PCDH15: variants seen among roughly 807,000 people sequenced by gnomAD.
PCDH15 encodes protocadherin-15.
In PCDH15, 129 loss-of-function variants were observed where a neutral mutation model predicts 178.5. The ratio of observed to expected loss-of-function variants is 0.72; its 90% CI spans 0.63 to 0.84. The LOEUF (loss-of-function observed/expected upper bound fraction) is 0.84. Among genes scored for constraint, PCDH15 ranks in the 40% least tolerant of loss-of-function variants. The pLI is 0.00. For synonymous variants in PCDH15, 800 were observed against 732.0 expected (o/e 1.09, Z -1.50); for missense variants, 2,230 against 2,099.9 (o/e 1.06, Z -1.21).
intron 3 of PCDH15, among the ~76,000 whole-genome samples, chr10:54,503,903 C>A (rs1379801124): frequency 6.6e-6 from 1 of 152,066 alleles, no homozygotes; most frequent in African/African-American, 2.4e-5. Context: ...AGGATCCCAA[C>A]AACTTGTTCC....
At chr10:54,443,067 A>G (rs2075929688) in intron 3 of PCDH15, among the ~76,000 whole-genome samples, 1 of 151,662 alleles carries the variant, frequency 6.6e-6, no homozygotes, top group Non-Finnish European at 1.5e-5. Flanking sequence ...GAAGAGGTTT[A>G]GAGTGTTTTT....
At chr10:55,196,084 TTGTACAGTTTGTATC>T (rs1840086601) in intron 1 of PCDH15, among the ~76,000 whole-genome samples, 1 of 152,166 alleles carries the variant, frequency 6.6e-6, no homozygotes, top group African/African-American at 2.4e-5. Context: ...CTTAATGACT[TTGTACAGTTTGTATC>T]TCATTCTGAA....
chr10:54,341,281 G>A (rs1448279018), intron 6 of PCDH15, among the ~76,000 whole-genome samples: 3 of 152,098 alleles, frequency 2.0e-5, no homozygotes, highest in African/African-American at 7.2e-5. Context: ...GTGGTGACTG[G>A]TTTATGGGGG....
intron 2 of PCDH15, among the ~76,000 whole-genome samples, chr10:55,116,782 C>A (rs890773315): frequency 1.3e-5 from 2 of 152,130 alleles, no homozygotes; most frequent in South Asian, 4.1e-4. Flanking sequence ...CTTCTCCATC[C>A]CTTGTCCTCT....
intron 2 of PCDH15, among the ~76,000 whole-genome samples, chr10:54,921,579 T>C (rs187131744): frequency 6.6e-6 from 1 of 152,256 alleles, no homozygotes; most frequent in African/African-American, 2.4e-5. Context: ...TGAGAACATA[T>C]AGTATTTGTT....
chr10:55,130,680 CGTGTGTGTGT>C (rs72055158), intron 2 of PCDH15, among the ~76,000 whole-genome samples: 13,916 of 145,898 alleles, frequency 0.095, 737 homozygotes, highest in Admixed American at 0.15. Context: ...CACACATACA[CGTGTGTGTGT>C]GTGTGTGTGT....
chr10:54,094,322 T>C (rs945305037), intron 15 of PCDH15, among the ~76,000 whole-genome samples: 1 of 152,210 alleles, frequency 6.6e-6, no homozygotes, highest in African/African-American at 2.4e-5. Context: ...TTTATACGCG[T>C]TGCTCAACTA....
At chr10:54,395,671 C>A (rs920184900) in intron 3 of PCDH15, among the ~76,000 whole-genome samples, 1 of 152,088 alleles carries the variant, frequency 6.6e-6, no homozygotes, top group Non-Finnish European at 1.5e-5. Flanking sequence ...CACAAACACA[C>A]ACACACACCT....
chr10:54,558,073 T>C (rs1484651847), intron 2 of PCDH15, among the ~76,000 whole-genome samples: 2 of 152,054 alleles, frequency 1.3e-5, no homozygotes, highest in African/African-American at 4.8e-5. Context: ...TATATGATAG[T>C]TGAAATGATC....
chr10:54,975,547 GACAA>G (rs1839048586), intron 2 of PCDH15, among the ~76,000 whole-genome samples: 1 of 152,134 alleles, frequency 6.6e-6, no homozygotes, highest in African/African-American at 2.4e-5. Context: ...ACAACTAACA[GACAA>G]GGTAGATGGA....
At position 54,535,709 on chromosome 10, in the gene PCDH15, C is replaced by CAAAAA. The variant is rs71010382; in HGVS notation, c.92-7837_92-7833dup. On this transcript the variant is annotated intron_variant, in intron 2 of 37. Coordinates refer to ENST00000644397, the MANE Select transcript of PCDH15 (RefSeq NM_001384140.1). ...TGGCAGACAGAGCGAGACTCCACCT[C>CAAAAA]AAAAAAAAAAAAAAAAAAAAAAAAA... is the stretch of plus-strand genomic sequence containing the variant. Among the ~76,000 whole-genome samples the CAAAAA allele has an allele frequency of 3.0e-3, 125 of 42,332 alleles. 1 individual carries two copies. The highest frequency in any genetic ancestry group is 4.1e-3 in the East Asian group (6 of 1,466). The allele number at this position is 42,332 out of a possible 152,430, so 27.8% of individuals were successfully genotyped here.
At chr10:54,312,386 A>G (rs1257287403) in intron 8 of PCDH15, among the ~76,000 whole-genome samples, 1 of 152,084 alleles carries the variant, frequency 6.6e-6, no homozygotes, top group East Asian at 1.9e-4. Flanking sequence ...GATTGCCACA[A>G]TAACATTTTC....
In PCDH15 at chr10:53,878,963, A is replaced by G. The variant is rs184801539; in HGVS notation, c.3502-12106T>C. 1.6e-4 allele frequency among the ~76,000 whole-genome samples: 25 copies of G among 152,314 alleles called. No individual in the cohort carries two copies. The East Asian group carries it at 4.2e-3, about 26-fold the overall frequency. On this transcript the variant is annotated intron_variant, in intron 26 of 37. Coordinates refer to ENST00000644397, the MANE Select transcript of PCDH15 (RefSeq NM_001384140.1). The stretch of plus-strand genomic sequence containing the variant: ...GGACATGCTGAATAAGTTGGCTGTG[A>G]ATATTCACTCGGGTGTAAAATGCAG...
At chr10:55,076,613 A>G (rs1217284867) in intron 2 of PCDH15, among the ~76,000 whole-genome samples, 1 of 150,320 alleles carries the variant, frequency 6.7e-6, no homozygotes, top group Non-Finnish European at 1.5e-5. Context: ...GCGGCTAATT[A>G]TTATTATTAT....
chr10:53,826,307 CATT>C (rs2132559405), intron 32 of PCDH15, among the ~76,000 whole-genome samples: 1 of 152,042 alleles, frequency 6.6e-6, no homozygotes, highest in Admixed American at 6.5e-5. Flanking sequence ...TCAATTTTAA[CATT>C]AATACGACTA....
intron 2 of PCDH15, among the ~76,000 whole-genome samples, chr10:55,604,968 G>A (rs1351973525): frequency 3.3e-5 from 5 of 152,102 alleles, no homozygotes; most frequent in South Asian, 2.1e-4. Flanking sequence ...CTGGTTTTTC[G>A]AAAGGATCAA....
intron 25 of PCDH15, among the ~76,000 whole-genome samples, chr10:53,927,691 T>A (rs993522919): frequency 6.6e-6 from 1 of 152,134 alleles, no homozygotes; most frequent in African/African-American, 2.4e-5. Context: ...ATTTACTATT[T>A]TCTGAAATAC....
chr10:54,020,880 C>CTTA (rs987575646), intron 19 of PCDH15, among the ~76,000 whole-genome samples: 69 of 151,928 alleles, frequency 4.5e-4, no homozygotes, highest in African/African-American at 1.6e-3. Context: ...TAATAGATGG[C>CTTA]TAAAGTACTA....
chr10:53,925,228 C>G (rs2084409962), intron 25 of PCDH15, among the ~76,000 whole-genome samples: 1 of 152,164 alleles, frequency 6.6e-6, no homozygotes, highest in South Asian at 2.1e-4. Context: ...CGAAGGTCTG[C>G]AGCTTCACTC....
Sources: allele counts gnomAD v4.1 joint callset (sites outside exome capture counted in the v4.1 genomes callset), GRCh38; gene constraint gnomAD v4.1.1; transcripts MANE v1.5; gene names NCBI Gene and HGNC (gene_info 2026-07-23, HGNC 2026-07-21).